Variants in ANXA2 observed in about 807,000 individuals in gnomAD.
The protein encoded by ANXA2 is annexin II.
A neutral mutation model predicts 47.3 loss-of-function variants in ANXA2; 28 were observed. That is an observed-to-expected ratio of 0.59 (90% CI 0.44 to 0.81). ANXA2 has a LOEUF of 0.81. ANXA2 is among the 40% of genes least tolerant of loss of function. The probability of loss-of-function intolerance (pLI) is 0.00; values close to 1 mark genes in which losing one functional copy is unlikely to be tolerated. For missense variants in ANXA2, 384 were observed against 414.3 expected (o/e 0.93, Z 0.64); for synonymous variants, 172 against 155.5 (o/e 1.11, Z -0.79).
In ANXA2 at chr15:60,352,598, T is replaced by C. The variant is rs2062367030; in HGVS notation, c.589-122A>G. 4.2e-6 allele frequency: 3 copies of C among 711,508 alleles called. No individual in the cohort carries two copies. The highest frequency in any genetic ancestry group is 7.4e-6 in the Non-Finnish European group (3 of 406,974). The allele number at this position is 711,508 out of a possible 1,614,324, so 44.1% of individuals were successfully genotyped here. A position where few individuals can be genotyped will look rare whatever the true frequency, so the allele number is the denominator to read the frequency against. On this transcript the variant is annotated intron_variant, in intron 8 of 12. Transcript: ENST00000451270. This position sits in a 1 kb window ranked among gnomAD's most constrained non-coding sequence, Gnocchi z 4.2. The stretch of plus-strand genomic sequence containing the variant: ...AATGCCAAACGAGGAAAGATGATTA[T>C]ACTGCAGACATGGGCAGAGACCTAC...
chr15:60,377,453 C>T (rs768771506), intron 3 of ANXA2, among the ~76,000 whole-genome samples: 1 of 152,172 alleles, frequency 6.6e-6, no homozygotes, highest in Non-Finnish European at 1.5e-5. Context: ...ATTCCATATA[C>T]AGGCATACCT....
At chr15:60,368,481 T>G (rs1339636768) in intron 3 of ANXA2, among the ~76,000 whole-genome samples, 2 of 151,916 alleles carry the variant, frequency 1.3e-5, no homozygotes, top group Non-Finnish European at 2.9e-5. Context: ...TTCCATGTAA[T>G]GGGATACTAT....
chr15:60,385,843 G>T, intron 2 of ANXA2, 185 bp downstream of exon 2: 1 of 526,264 alleles, frequency 1.9e-6, no homozygotes, highest in Non-Finnish European at 3.4e-6. Context: ...AGTTTCCAGT[G>T]CCATGATATT....
Position 60,360,929 on chromosome 15 carries a change from A to T in ANXA2, c.357+12T>A, listed in dbSNP as rs765844231. 6.6e-7 allele frequency: 1 copy of T among 1,510,908 alleles called. No homozygotes were observed. The highest frequency in any genetic ancestry group is 9.2e-7 in the Non-Finnish European group (1 of 1,086,064). 93.6% of individuals were successfully genotyped at this position (1,510,908 alleles called of 1,614,324 possible). On this transcript the variant is annotated intron_variant, in intron 5 of 12. Transcript: ENST00000451270. ...GCAGATTTGACAGAGATGACATCTC[A>T]CATGCATTTACCTTCATGGAAGCTT...
chr15:60,371,454 C>T (rs75305702), intron 3 of ANXA2, among the ~76,000 whole-genome samples: 3,063 of 152,268 alleles, frequency 0.02, 47 homozygotes, highest in East Asian at 0.073. Context: ...CTCCTCTCTG[C>T]GGGTGGAAAC....
At chr15:60,378,150 T>C (rs1240202676) in intron 3 of ANXA2, among the ~76,000 whole-genome samples, 1 of 152,084 alleles carries the variant, frequency 6.6e-6, no homozygotes, top group African/African-American at 2.4e-5. Context: ...GCATATACCA[T>C]CCCATTTCTA....
At chr15:60,390,837 G>A (rs934501344) in intron 1 of ANXA2, among the ~76,000 whole-genome samples, 2 of 152,118 alleles carry the variant, frequency 1.3e-5, no homozygotes, top group East Asian at 1.9e-4. Flanking sequence ...TCTATTATTC[G>A]CTGGAAGGAA....
intron 5 of ANXA2, among the ~76,000 whole-genome samples, chr15:60,358,739 G>A (rs1335768620): frequency 2.0e-5 from 3 of 152,158 alleles, no homozygotes; most frequent in Admixed American, 1.3e-4. Context: ...AATGACTACC[G>A]AGTATCTTTG....
chr15:60,379,019 G>A (rs1357292439), intron 3 of ANXA2, among the ~76,000 whole-genome samples: 1 of 150,764 alleles, frequency 6.6e-6, no homozygotes, highest in Admixed American at 6.6e-5. Flanking sequence ...GGTGGCTCAC[G>A]GCTATAATCC....
At chr15:60,368,316 A>AAAAAATAATAAAAT (rs1555401433) in intron 3 of ANXA2, among the ~76,000 whole-genome samples, 4 of 113,980 alleles carry the variant, frequency 3.5e-5, no homozygotes, top group Admixed American at 2.7e-4. Context: ...AATAAAAAAA[A>AAAAAATAATAAAAT]AAAATAAAAT....
chr15:60,383,007 C>G (rs1462713148), intron 2 of ANXA2: 1 of 153,180 alleles, frequency 6.5e-6, no homozygotes, highest in Non-Finnish European at 1.5e-5. Context: ...CCCCCCTCTC[C>G]TCTGTATCCT....
In ANXA2 at chr15:60,351,748, G is replaced by C; in HGVS notation, c.754C>G (p.Leu252Val). 6.2e-7 allele frequency: 1 copy of C among 1,613,066 alleles called. No homozygotes were observed. The change falls in exon 10 of 13, where the codon CTG becomes GTG. Residue 252 changes from leucine (L) to valine (V), a missense_variant. Physicochemically the swap from Leu to Val is conservative, Grantham distance 32. Coordinates refer to ENST00000451270, the MANE Select transcript of ANXA2 (RefSeq NM_004039.3). ...ESIRKEVKGDLENAFLNLVQC... is the reference protein window; with the variant it reads ...ESIRKEVKGDVENAFLNLVQC... ...CCCAGGTTCAGGAAAGCATTTTCCA[G>C]GTCTCCTTTAACCTCTTTCCTGATG...
chr15:60,352,371 C>T lies in ANXA2; in HGVS notation c.682+12G>A. 1 of 1,608,454 alleles carries T rather than the reference C, an allele frequency of 6.2e-7. No individual in the cohort carries two copies. The highest frequency in any genetic ancestry group is 8.5e-7 in the Non-Finnish European group (1 of 1,175,334). On this transcript the variant is annotated intron_variant, in intron 9 of 12. Transcript: ENST00000451270. The surrounding 1 kb of genome is among the most constrained non-coding windows in gnomAD (Gnocchi z 4.2). Reference sequence around the variant, plus strand: ...CCCCAAGGCACTGAGACTCCCTCAGCACAGTGCCCACCTTTCTGGAGGTGG... The same window carrying T: ...CCCCAAGGCACTGAGACTCCCTCAGTACAGTGCCCACCTTTCTGGAGGTGG...
intron 3 of ANXA2, among the ~76,000 whole-genome samples, chr15:60,379,442 A>C (rs957086651): frequency 6.6e-6 from 1 of 152,198 alleles, no homozygotes; most frequent in African/African-American, 2.4e-5. Context: ...AATGTTTTTC[A>C]TATCTGAAAA....
intron 3 of ANXA2, among the ~76,000 whole-genome samples, chr15:60,366,619 C>T (rs1469590768): frequency 1.2e-4 from 18 of 147,840 alleles, no homozygotes; most frequent in African/African-American, 3.5e-4. Flanking sequence ...GCAACCACCC[C>T]GTCTGGGAAG....
intron 4 of ANXA2, among the ~76,000 whole-genome samples, chr15:60,364,094 G>A (rs937224982): frequency 1.3e-5 from 2 of 152,312 alleles, no homozygotes; most frequent in South Asian, 4.1e-4. Context: ...TAAAGCGAGC[G>A]TGACCATCTG....
chr15:60,389,256 A>G (rs972631866), intron 1 of ANXA2, among the ~76,000 whole-genome samples: 1 of 152,204 alleles, frequency 6.6e-6, no homozygotes, highest in Non-Finnish European at 1.5e-5. Flanking sequence ...GGGAACTAGC[A>G]AGTCAGAGTT....
chr15:60,362,137 C>T (rs529815329), intron 4 of ANXA2, among the ~76,000 whole-genome samples: 3 of 152,200 alleles, frequency 2.0e-5, no homozygotes, highest in South Asian at 2.1e-4. Flanking sequence ...CCCAATGTCC[C>T]GGGAACACAC....
rs2140777602 is a variant in ANXA2 at position 60,352,026 on chromosome 15, GC to G, written c.683-208del. Among the ~76,000 whole-genome samples, 1 of 152,234 alleles carries G rather than the reference GC, an allele frequency of 6.6e-6. No individual in the cohort carries two copies. The highest frequency in any genetic ancestry group is 1.9e-4 in the East Asian group (1 of 5,180). On this transcript the variant is annotated intron_variant, in intron 9 of 12. Coordinates refer to ENST00000451270, the MANE Select transcript of ANXA2 (RefSeq NM_004039.3). The surrounding 1 kb of genome is among the most constrained non-coding windows in gnomAD (Gnocchi z 4.2). Reference sequence around the variant, plus strand: ...CATACCACCTGTCCTGAATGGCACTGCCCAGGCCACATATTTGGACCATCTC... The same window carrying G: ...CATACCACCTGTCCTGAATGGCACTGCCAGGCCACATATTTGGACCATCTC...
Sources: allele counts gnomAD v4.1 joint callset (sites outside exome capture counted in the v4.1 genomes callset), GRCh38; gene constraint gnomAD v4.1.1; non-coding constraint Gnocchi (gnomAD v3.1); transcripts MANE v1.5; gene names NCBI Gene and HGNC (gene_info 2026-07-23, HGNC 2026-07-21).